PSMA4: variants seen among roughly 807,000 people sequenced by gnomAD.
PSMA4 encodes proteasome 20S subunit alpha 4, also known as proteasome subunit alpha type-4.
PSMA4 carries 8 observed loss-of-function variants against 37.2 expected under a neutral mutation model. The observed-to-expected ratio is 0.22, with a 90% CI of 0.13 to 0.39. The LOEUF is 0.39. PSMA4 is among the 10% of genes least tolerant of loss of function. PSMA4 has a pLI of 1.00. For missense variants in PSMA4, 169 were observed against 305.1 expected, an observed-to-expected ratio of 0.55 and a Z score of 3.32; for synonymous variants, 93 against 98.8, an observed-to-expected ratio of 0.94 and a Z score of 0.35.
At position 78,546,760 on chromosome 15, in the gene PSMA4, AT is replaced by A; in HGVS notation, c.631+69del. 4.2e-6 allele frequency: 6 copies of A among 1,436,776 alleles called. No individual in the cohort carries two copies. In the South Asian group the frequency reaches 6.4e-5, roughly 15 times the overall value. 89.0% of individuals were successfully genotyped at this position (1,436,776 alleles called of 1,614,324 possible). A position where few individuals can be genotyped will look rare whatever the true frequency, so the allele number is the denominator to read the frequency against. ...GTGAGGGAAATTAGCAGCTGTTAAG[AT>A]TTTTTTCTTTTTTTTTTTTTTTTGA... is the stretch of plus-strand genomic sequence containing the variant. On this transcript the variant is annotated intron_variant, in intron 8 of 8. Coordinates refer to ENST00000044462, the MANE Select transcript of PSMA4 (RefSeq NM_002789.6).
chr15:78,544,796 T>G, intron 5 of PSMA4, 73 bp from the exon 6 acceptor site: 1 of 1,067,522 alleles, frequency 9.4e-7, no homozygotes. Flanking sequence ...AGATTGCTTT[T>G]CAGAGAATAT....
chr15:78,542,988 TAATGAAATAAAATG>T (rs1315536066), intron 4 of PSMA4, among the ~76,000 whole-genome samples: 3 of 152,194 alleles, frequency 2.0e-5, no homozygotes, highest in African/African-American at 4.8e-5. Flanking sequence ...TGTGGCAGTT[TAATGAAATAAAATG>T]AATGAAATAA....
intron 1 of PSMA4, chr15:78,540,913 CAG>C (rs1357745816): frequency 6.6e-6 from 1 of 152,466 alleles, no homozygotes; most frequent in East Asian, 1.9e-4. Flanking sequence ...GTGGAGACAA[CAG>C]AAAGTTGTGC....
chr15:78,552,080 C>T lies in PSMA4; in HGVS notation c.*3136C>T, dbSNP rs951677854. 8 of 152,130 alleles carry T rather than the reference C, an allele frequency of 5.3e-5. No homozygotes were observed. The highest frequency in any genetic ancestry group is 7.3e-5 in the Non-Finnish European group (5 of 68,034). 9.4% of individuals were successfully genotyped at this position (152,130 alleles called of 1,614,324 possible). ...TTTGGCTGCCTAGTCTAGATTCTCACGCTAGCCCCACTTTCGTCTGCTCTG... is the reference window on the plus strand; with the variant it reads ...TTTGGCTGCCTAGTCTAGATTCTCATGCTAGCCCCACTTTCGTCTGCTCTG... On this transcript the variant is annotated 3_prime_UTR_variant, in exon 9 of 9. Coordinates refer to ENST00000044462, the MANE Select transcript of PSMA4 (RefSeq NM_002789.6).
chr15:78,540,833 T>C (rs1007968290), intron 1 of PSMA4: 2 of 152,202 alleles, frequency 1.3e-5, no homozygotes, highest in Non-Finnish European at 1.5e-5. Context: ...CCTCAGGAGT[T>C]CGGTACGTGA....
chr15:78,547,829 T>A (rs867987527), intron 8 of PSMA4, among the ~76,000 whole-genome samples: 19 of 150,972 alleles, frequency 1.3e-4, no homozygotes, highest in Non-Finnish European at 2.2e-4. Flanking sequence ...AGAGAGAGAC[T>A]CTGTCTCAAA....
chr15:78,544,089 CAT>C (rs1203240464), intron 4 of PSMA4, 99 bp from the exon 5 acceptor site: 1 of 812,944 alleles, frequency 1.2e-6, no homozygotes, highest in Non-Finnish European at 1.9e-6. Context: ...GTGAAGCAAA[CAT>C]AGTGAATTTC....
intron 8 of PSMA4, 49 bp from the exon 9 acceptor site, chr15:78,548,741 G>A (rs2052600034): frequency 6.3e-7 from 1 of 1,575,630 alleles, no homozygotes. Context: ...TCTCTGCTAA[G>A]TATGCCTGCC....
chr15:78,542,739 G>A, intron 4 of PSMA4, 94 bp downstream of exon 4: 1 of 1,217,244 alleles, frequency 8.2e-7, no homozygotes, highest in Non-Finnish European at 1.1e-6. Flanking sequence ...CGTGCGATGT[G>A]GTAGAATTGA....
At position 78,545,856 on chromosome 15, in the gene PSMA4, A is replaced by G; in HGVS notation, c.507+92A>G. The G allele has an allele frequency of 2.2e-6, 3 of 1,354,040 alleles. No individual in the cohort carries two copies. In the South Asian group the frequency reaches 3.7e-5, roughly 17 times the overall value. 83.9% of individuals were successfully genotyped at this position (1,354,040 alleles called of 1,614,324 possible). ...TGATGAATGTAAACAGTATTTTAAG[A>G]TAGCTGCAACAACCTTAATGTGATA... On this transcript the variant is annotated intron_variant, in intron 7 of 8. Coordinates refer to ENST00000044462, the MANE Select transcript of PSMA4 (RefSeq NM_002789.6).
intron 3 of PSMA4, 65 bp from the exon 4 acceptor site, chr15:78,542,418 C>A: frequency 1.3e-6 from 2 of 1,551,586 alleles, no homozygotes; most frequent in Non-Finnish European, 1.7e-6. Context: ...TTGCTGATTT[C>A]TTTTGGGCCA....
In PSMA4 at chr15:78,542,110, T is replaced by C; in HGVS notation, c.4-67T>C. The stretch of plus-strand genomic sequence containing the variant: ...ACCAGGATAGGTTTTGTAAGATCAT[T>C]TGTAGGCTTGCAGGAGTTGGCCTAC... On this transcript the variant is annotated intron_variant, in intron 2 of 8. Transcript: ENST00000044462. The C allele has an allele frequency of 2.6e-6, 4 of 1,528,744 alleles. No individual in the cohort carries two copies. In the Admixed American group the frequency reaches 6.8e-5, roughly 26 times the overall value. 94.7% of individuals were successfully genotyped at this position (1,528,744 alleles called of 1,614,324 possible). A position where few individuals can be genotyped will look rare whatever the true frequency, so the allele number is the denominator to read the frequency against.
chr15:78,543,065 C>T (rs1157961421), intron 4 of PSMA4, among the ~76,000 whole-genome samples: 1 of 152,168 alleles, frequency 6.6e-6, no homozygotes, highest in African/African-American at 2.4e-5. Flanking sequence ...TTTAGAATAG[C>T]TACGCAGGAT....
chr15:78,546,753 T>C (rs1393091578), intron 8 of PSMA4, 55 bp downstream of exon 8: 23 of 1,535,912 alleles, frequency 1.5e-5, no homozygotes, highest in Admixed American at 2.3e-5. Flanking sequence ...AATTAGCAGC[T>C]GTTAAGATTT....
At chr15:78,542,369 A>T (rs2052470218) in intron 3 of PSMA4, 114 bp from the exon 4 acceptor site, 4 of 1,411,420 alleles carry the variant, frequency 2.8e-6, no homozygotes, top group South Asian at 2.7e-5. Context: ...ATTATACCAT[A>T]GAAGAGTGAA....
intron 7 of PSMA4, 69 bp from the exon 8 acceptor site, chr15:78,546,506 C>A: frequency 1.5e-6 from 2 of 1,378,726 alleles, no homozygotes; most frequent in Non-Finnish European, 2.0e-6. Flanking sequence ...AGGCATTTTT[C>A]TTCTAGACCA....
intron 8 of PSMA4, among the ~76,000 whole-genome samples, chr15:78,547,007 C>T (rs2052565339): frequency 1.3e-5 from 2 of 152,178 alleles, no homozygotes; most frequent in Admixed American, 6.5e-5. Flanking sequence ...CTCAGGTGAT[C>T]CTCCCGCTTC....
intron 6 of PSMA4, among the ~76,000 whole-genome samples, 186 bp from the exon 7 acceptor site, chr15:78,545,448 G>A (rs1210370906): frequency 6.6e-6 from 1 of 152,184 alleles, no homozygotes; most frequent in Admixed American, 6.5e-5. Flanking sequence ...TCTTCTGGCT[G>A]TGTCCAAATC....
In PSMA4 at chr15:78,544,489, C is replaced by T. The variant is rs548134133; in HGVS notation, c.287+222C>T. ...TTAATTTTTGTATTTTTAGTAGAGA[C>T]GGGGTTTCACTGTGTTAGCCAGGAT... is the stretch of plus-strand genomic sequence containing the variant. On this transcript the variant is annotated intron_variant, in intron 5 of 8. Coordinates refer to ENST00000044462, the MANE Select transcript of PSMA4 (RefSeq NM_002789.6). 2.4e-4 allele frequency: 113 copies of T among 475,968 alleles called. 1 individual carries two copies. Among genetic ancestry groups the T allele is most frequent in the Middle Eastern group, 1.1e-3 (2 of 1,794 alleles). 29.5% of individuals were successfully genotyped at this position (475,968 alleles called of 1,614,324 possible).
Sources: allele counts gnomAD v4.1 joint callset (sites outside exome capture counted in the v4.1 genomes callset), GRCh38; gene constraint gnomAD v4.1.1; transcripts MANE v1.5; gene names NCBI Gene and HGNC (gene_info 2026-07-23, HGNC 2026-07-21).